Variants in DMRT1 observed in about 807,000 individuals in gnomAD.
The protein encoded by DMRT1 is doublesex and mab-3 related transcription factor 1.
In DMRT1, 7 loss-of-function variants were observed where a neutral mutation model predicts 32.3. The ratio of observed to expected loss-of-function variants is 0.22; its 90% CI spans 0.12 to 0.41. DMRT1 has a LOEUF of 0.41. Among genes scored for constraint, DMRT1 ranks in the 10% least tolerant of loss-of-function variants. The probability of loss-of-function intolerance (pLI) is 1.00; values close to 1 mark genes in which losing one functional copy is unlikely to be tolerated. For missense variants in DMRT1, 625 were observed against 500.5 expected (o/e 1.25, Z -2.37); for synonymous variants, 278 against 206.1 (o/e 1.35, Z -2.99).
intron 2 of DMRT1, 37 bp downstream of exon 2, chr9:847,180 G>A: frequency 1.2e-6 from 2 of 1,603,440 alleles, no homozygotes; most frequent in Non-Finnish European, 1.7e-6. Context: ...TGGAGGCTGG[G>A]CATGAGGGAG....
chr9:880,164 T>C (rs1453681489), intron 2 of DMRT1, among the ~76,000 whole-genome samples: 1 of 152,186 alleles, frequency 6.6e-6, no homozygotes, highest in Non-Finnish European at 1.5e-5. Flanking sequence ...TTCCAGGATA[T>C]GGTGTTCCTT....
At chr9:869,773 C>T (rs974993034) in intron 2 of DMRT1, among the ~76,000 whole-genome samples, 6 of 152,016 alleles carry the variant, frequency 3.9e-5, no homozygotes, top group Non-Finnish European at 7.4e-5. Context: ...CTTAAGGTGT[C>T]GCATTCTCTG....
chr9:864,592 A>G (rs956592180), intron 2 of DMRT1, among the ~76,000 whole-genome samples: 4 of 145,962 alleles, frequency 2.7e-5, no homozygotes, highest in African/African-American at 7.6e-5. Context: ...TCTGTGTCCC[A>G]GGCTCATGCC....
At chr9:845,202 C>T (rs1196990233) in intron 1 of DMRT1, among the ~76,000 whole-genome samples, 1 of 151,864 alleles carries the variant, frequency 6.6e-6, no homozygotes, top group Non-Finnish European at 1.5e-5. Flanking sequence ...TTTTTTCAAT[C>T]TTATTATTTA....
intron 2 of DMRT1, among the ~76,000 whole-genome samples, chr9:860,004 C>T (rs7021646): frequency 0.56 from 84,677 of 152,056 alleles, 25,213 homozygotes; most frequent in South Asian, 0.67. Context: ...TAGGTTTTAT[C>T]TAAAATATGG....
At chr9:871,529 G>T (rs1179437230) in intron 2 of DMRT1, among the ~76,000 whole-genome samples, 1 of 137,082 alleles carries the variant, frequency 7.3e-6, no homozygotes, top group Non-Finnish European at 1.5e-5. Flanking sequence ...TTTTGGTAGA[G>T]ACGGGGTTTC....
At chr9:957,402 A>G (rs1202509566) in intron 4 of DMRT1, among the ~76,000 whole-genome samples, 1 of 152,228 alleles carries the variant, frequency 6.6e-6, no homozygotes, top group African/African-American at 2.4e-5. Context: ...AATTTTAGCA[A>G]TTGGAGTCTT....
chr9:854,438 C>A lies in DMRT1; in HGVS notation c.538+7295C>A, dbSNP rs541630714. On this transcript the variant is annotated intron_variant, in intron 2 of 4. Coordinates refer to ENST00000382276, the MANE Select transcript of DMRT1 (RefSeq NM_021951.3). ...AGCTGGGACTACAGGCGCATGCAAC[C>A]ATGCCTGGCTAATTTTTGTATTTTT... 7.9e-5 allele frequency among the ~76,000 whole-genome samples: 12 copies of A among 152,216 alleles called. No individual in the cohort carries two copies. The South Asian group carries it at 2.3e-3, about 29-fold the overall frequency.
intron 2 of DMRT1, among the ~76,000 whole-genome samples, chr9:866,213 A>G (rs1815980187): frequency 1.3e-5 from 2 of 150,742 alleles, no homozygotes; most frequent in Admixed American, 1.3e-4. Context: ...TTATAACCAC[A>G]CAAATACTCA....
chr9:863,292 TG>T, intron 2 of DMRT1, among the ~76,000 whole-genome samples: 1 of 145,794 alleles, frequency 6.9e-6, no homozygotes, highest in Admixed American at 7.0e-5. Context: ...CATTTCAGCC[TG>T]GGTGACAGAG....
intron 4 of DMRT1, among the ~76,000 whole-genome samples, chr9:933,434 A>G (rs376027978): frequency 3.3e-5 from 5 of 152,344 alleles, no homozygotes; most frequent in African/African-American, 1.2e-4. Context: ...AGGTAGAGCA[A>G]AAACCACTGA....
At chr9:845,889 G>T (rs1036259901) in intron 1 of DMRT1, among the ~76,000 whole-genome samples, 5 of 152,118 alleles carry the variant, frequency 3.3e-5, no homozygotes, top group African/African-American at 1.2e-4. Flanking sequence ...AAATACTACT[G>T]CTGGCTGATT....
At chr9:960,552 T>C (rs2129994659) in intron 4 of DMRT1, among the ~76,000 whole-genome samples, 1 of 152,346 alleles carries the variant, frequency 6.6e-6, no homozygotes, top group East Asian at 1.9e-4. Context: ...GAGATATTTA[T>C]TACCTTCCTT....
At chr9:961,742 A>G (rs1819779774) in intron 4 of DMRT1, among the ~76,000 whole-genome samples, 2 of 152,248 alleles carry the variant, frequency 1.3e-5, no homozygotes, top group Non-Finnish European at 2.9e-5. Flanking sequence ...CAGACCTTGT[A>G]CTAAATCCTG....
At chr9:931,137 TC>T (rs1159474103) in intron 4 of DMRT1, among the ~76,000 whole-genome samples, 10 of 152,362 alleles carry the variant, frequency 6.6e-5, no homozygotes, top group African/African-American at 2.2e-4. Context: ...GTGTCCGACT[TC>T]TTTCATTTAG....
intron 4 of DMRT1, among the ~76,000 whole-genome samples, chr9:964,795 C>T (rs1412124566): frequency 2.0e-5 from 3 of 152,148 alleles, no homozygotes; most frequent in Non-Finnish European, 2.9e-5. Flanking sequence ...GTCAGAGGGG[C>T]TGAACAGCTT....
chr9:851,947 GT>G (rs34497760), intron 2 of DMRT1, among the ~76,000 whole-genome samples: 93,085 of 137,948 alleles, frequency 0.67, 31,323 homozygotes, highest in Middle Eastern at 0.76. Flanking sequence ...CTTTTTTTTT[GT>G]TTTTTTTTTT....
At chr9:955,933 A>T (rs1819584944) in intron 4 of DMRT1, among the ~76,000 whole-genome samples, 1 of 152,212 alleles carries the variant, frequency 6.6e-6, no homozygotes, top group Non-Finnish European at 1.5e-5. Flanking sequence ...GCTCTGGGTA[A>T]ATACCCCAAA....
chr9:953,057 C>G (rs279874), intron 4 of DMRT1, among the ~76,000 whole-genome samples: 91,107 of 152,050 alleles, frequency 0.6, 30,173 homozygotes, highest in East Asian at 0.81. Flanking sequence ...TTGTGGACTG[C>G]TACATGGTTA....
Sources: gnomAD v4.1 joint callset for allele counts (sites outside exome capture counted in the v4.1 genomes callset) on GRCh38, gnomAD v4.1.1 for gene constraint, MANE v1.5 for transcripts, NCBI Gene and HGNC (gene_info 2026-07-23, HGNC 2026-07-21) for gene names.